The following C4BPA variants were observed in gnomAD, a reference collection of about 807,000 sequenced individuals.
The protein encoded by C4BPA is C4b-binding protein alpha chain.
Under a neutral mutation model 63.7 loss-of-function variants are expected in C4BPA, and 31 were observed. The observed-to-expected ratio is 0.49, with a 90% CI of 0.37 to 0.66. The LOEUF is 0.66. Among genes scored for constraint, C4BPA ranks in the 30% least tolerant of loss-of-function variants. The pLI, the probability that C4BPA is intolerant of heterozygous loss-of-function variation, is 0.00. For synonymous variants in C4BPA, 259 were observed against 254.7 expected (o/e 1.02, Z -0.16); for missense variants, 572 against 723.3 (o/e 0.79, Z 2.40).
At chr1:207,139,287 T>C (rs916764264) in intron 9 of C4BPA, among the ~76,000 whole-genome samples, 20 of 152,324 alleles carry the variant, frequency 1.3e-4, no homozygotes, top group Non-Finnish European at 2.8e-4. Flanking sequence ...TGGTATACTG[T>C]AGTTCTTCAG....
rs905722793 is a variant in C4BPA at position 207,106,457 on chromosome 1, T to TTTTTTTTTTTTTTTTG, written c.-26+2027_-26+2028insTTTTTTTTTTTTTTTG. The stretch of plus-strand genomic sequence containing the variant: ...TCCGTGTAAGTTTTTTTTTTTTTTT[T>TTTTTTTTTTTTTTTTG]GAAACGGAGTCTCGCTTTGTTGCCC... On this transcript the variant is annotated intron_variant, in intron 1 of 11. Coordinates refer to ENST00000367070, the MANE Select transcript of C4BPA (RefSeq NM_000715.4). Among the ~76,000 whole-genome samples, 47 of 129,632 alleles carry TTTTTTTTTTTTTTTTG rather than the reference T, an allele frequency of 3.6e-4. 2 individuals carry two copies. Among genetic ancestry groups the TTTTTTTTTTTTTTTTG allele is most frequent in the African/African-American group, 1.5e-3 (46 of 30,158 alleles). 85.0% of individuals were successfully genotyped at this position (129,632 alleles called of 152,430 possible).
intron 9 of C4BPA, among the ~76,000 whole-genome samples, chr1:207,136,495 T>G (rs574121506): frequency 2.6e-5 from 4 of 152,324 alleles, no homozygotes; most frequent in Non-Finnish European, 5.9e-5. Context: ...GACTAGGACC[T>G]TGACCAGACA....
chr1:207,116,720 C>T (rs1052181377), intron 4 of C4BPA, among the ~76,000 whole-genome samples: 16 of 151,776 alleles, frequency 1.1e-4, no homozygotes, highest in African/African-American at 3.4e-4. Context: ...GCCTATATTT[C>T]CTCTACTTCT....
intron 4 of C4BPA, among the ~76,000 whole-genome samples, chr1:207,117,547 T>C (rs1269722158): frequency 6.6e-6 from 1 of 152,220 alleles, no homozygotes; most frequent in South Asian, 2.1e-4. Flanking sequence ...AAGGCAAAAC[T>C]ATTCCTCTAC....
At chr1:207,127,012 T>A in intron 7 of C4BPA, 117 bp downstream of exon 7, 2 of 694,768 alleles carry the variant, frequency 2.9e-6, no homozygotes, top group Non-Finnish European at 2.4e-6. Flanking sequence ...AATTTACATC[T>A]AGATCAATAA....
chr1:207,124,434 A>G, intron 6 of C4BPA, 68 bp downstream of exon 6: 17 of 1,248,618 alleles, frequency 1.4e-5, no homozygotes, highest in Non-Finnish European at 1.9e-5. Flanking sequence ...AAAGAAAGGT[A>G]AATTTATTGG....
intron 4 of C4BPA, among the ~76,000 whole-genome samples, chr1:207,120,240 G>A (rs1684894267): frequency 6.6e-6 from 1 of 152,098 alleles, no homozygotes; most frequent in South Asian, 2.1e-4. Flanking sequence ...GGGTTTTCAG[G>A]TAAAATACAG....
chr1:207,116,129 G>C (rs1684780431), intron 4 of C4BPA, among the ~76,000 whole-genome samples: 1 of 152,140 alleles, frequency 6.6e-6, no homozygotes, highest in Non-Finnish European at 1.5e-5. Flanking sequence ...AGGGTTTCAT[G>C]GTTTTGCAGA....
chr1:207,113,903 C>A (rs1258920618), intron 2 of C4BPA, among the ~76,000 whole-genome samples, 197 bp from the exon 3 acceptor site: 1 of 152,100 alleles, frequency 6.6e-6, no homozygotes, highest in Non-Finnish European at 1.5e-5. Context: ...TTGTCATTAT[C>A]ATTTGTGAAC....
intron 1 of C4BPA, among the ~76,000 whole-genome samples, chr1:207,112,350 G>GTTTTTTT (rs61668698): frequency 1.2e-4 from 14 of 114,152 alleles, no homozygotes; most frequent in East Asian, 5.0e-4. Context: ...CTGCCTTTTT[G>GTTTTTTT]TTTTTTTTTT....
chr1:207,112,306 C>T (rs1157348040), intron 1 of C4BPA, among the ~76,000 whole-genome samples: 2 of 150,178 alleles, frequency 1.3e-5, no homozygotes, highest in African/African-American at 4.9e-5. Context: ...TTCTATACGG[C>T]GACTCAACTC....
At chr1:207,121,938 C>T (rs1193194188) in intron 4 of C4BPA, among the ~76,000 whole-genome samples, 1 of 152,014 alleles carries the variant, frequency 6.6e-6, no homozygotes, top group East Asian at 1.9e-4. Flanking sequence ...TCATATGTGT[C>T]TATGGTTGCT....
chr1:207,113,261 C>T (rs1046948993), intron 2 of C4BPA, 94 bp downstream of exon 2: 8 of 1,339,650 alleles, frequency 6.0e-6, no homozygotes, highest in Non-Finnish European at 8.2e-6. Context: ...GACTGAGCTT[C>T]TAGCAGAGAC....
intron 10 of C4BPA, among the ~76,000 whole-genome samples, chr1:207,142,016 C>T (rs1685426475): frequency 6.6e-6 from 1 of 152,026 alleles, no homozygotes; most frequent in South Asian, 2.1e-4. Context: ...GTTTGCTGCA[C>T]CCATCAACCT....
Position 207,115,446 on chromosome 1 carries a change from G to A in C4BPA, c.359G>A (p.Arg120His), listed in dbSNP as rs867500835. 2.5e-5 allele frequency: 40 copies of A among 1,598,802 alleles called. No homozygotes were observed. Among genetic ancestry groups the A allele is most frequent in the Middle Eastern group, 3.3e-4 (2 of 6,038 alleles). ...YKRCRHPGELRNGQVEIKTDL... is the reference protein window; with the variant it reads ...YKRCRHPGELHNGQVEIKTDL... ...CGATGCAGACACCCAGGAGAGTTAC[G>A]TAATGGGCAAGTAGAGATTAAGACA... Residue 120 changes from arginine to histidine, a missense_variant, in exon 4 of 12, where the codon CGT becomes CAT. Arg to His is a conservative substitution (Grantham distance 29, BLOSUM62 0). Around this residue, in one of 2 missense-constraint regions of C4BPA, gnomAD observed 465 missense variants for 629.4 expected, o/e 0.74. Transcript: ENST00000367070.
intron 10 of C4BPA, 58 bp downstream of exon 10, chr1:207,141,334 C>CT: frequency 7.3e-7 from 1 of 1,362,874 alleles, no homozygotes; most frequent in African/African-American, 1.4e-5. Flanking sequence ...CCTGAGAGCA[C>CT]TGAGAGCTAA....
intron 4 of C4BPA, among the ~76,000 whole-genome samples, chr1:207,123,504 A>T (rs1036901259): frequency 3.3e-5 from 5 of 152,214 alleles, no homozygotes; most frequent in Admixed American, 6.5e-5. Flanking sequence ...GAAGTGGTGA[A>T]CTGAAAGCTA....
intron 11 of C4BPA, 117 bp from the exon 12 acceptor site, chr1:207,144,427 C>T: frequency 1.3e-6 from 1 of 787,176 alleles, no homozygotes; most frequent in Non-Finnish European, 2.0e-6. Flanking sequence ...CCAGCCTCAA[C>T]CACCAGTCTG....
intron 1 of C4BPA, among the ~76,000 whole-genome samples, chr1:207,107,141 G>C (rs1395652295): frequency 6.6e-6 from 1 of 152,358 alleles, no homozygotes; most frequent in East Asian, 1.9e-4. Flanking sequence ...CTTCACCAAG[G>C]AGGTGACATT....
Sources: gnomAD v4.1 joint callset for allele counts (sites outside exome capture counted in the v4.1 genomes callset) on GRCh38, gnomAD v4.1.1 for gene constraint, gnomAD v4.1.1 regional missense constraint, MANE v1.5 for transcripts, NCBI Gene and HGNC (gene_info 2026-07-23, HGNC 2026-07-21) for gene names.